PDZRN4: variants seen among roughly 807,000 people sequenced by gnomAD.
PDZRN4 encodes PDZ domain-containing RING finger protein 4.
A neutral mutation model predicts 99.0 loss-of-function variants in PDZRN4; 70 were observed. That is an observed-to-expected ratio of 0.71 (90% CI 0.58 to 0.86). PDZRN4 has a LOEUF of 0.86. Ranked by LOEUF, PDZRN4 falls within the 40% of genes least tolerant of loss-of-function variation. The probability of loss-of-function intolerance (pLI) is 0.00; values close to 1 mark genes in which losing one functional copy is unlikely to be tolerated. For missense variants in PDZRN4, 1,474 were observed against 1,331.2 expected (o/e 1.11, Z -1.67); for synonymous variants, 551 against 501.6 (o/e 1.10, Z -1.32).
intron 3 of PDZRN4, among the ~76,000 whole-genome samples, chr12:41,216,390 G>A (rs1950920957): frequency 1.3e-5 from 2 of 151,848 alleles, no homozygotes; most frequent in Admixed American, 1.3e-4. Context: ...TAAGTTTTAG[G>A]GAATCAAGGA....
intron 3 of PDZRN4, among the ~76,000 whole-genome samples, chr12:41,444,139 G>A (rs756748981): frequency 2.0e-5 from 3 of 152,148 alleles, no homozygotes; most frequent in Non-Finnish European, 2.9e-5. Flanking sequence ...GAGTATCTTT[G>A]GATTTGAAAA....
chr12:41,524,565 G>A (rs1013065805), intron 5 of PDZRN4, among the ~76,000 whole-genome samples: 7 of 152,032 alleles, frequency 4.6e-5, no homozygotes, highest in African/African-American at 1.4e-4. Context: ...AATGTACTAC[G>A]CAAAGAAAAA....
chr12:41,230,249 G>A (rs1951019253), intron 3 of PDZRN4, among the ~76,000 whole-genome samples: 2 of 151,874 alleles, frequency 1.3e-5, no homozygotes, highest in African/African-American at 2.4e-5. Flanking sequence ...GTGAAAGTAG[G>A]GAGGTTTTTG....
intron 3 of PDZRN4, among the ~76,000 whole-genome samples, chr12:41,406,265 ATGTTATATTTAGTGAGAAGAAAAGAAAAT>A (rs1952348742): frequency 6.6e-6 from 1 of 152,194 alleles, no homozygotes; most frequent in Non-Finnish European, 1.5e-5. Flanking sequence ...ACTAAGAGCA[ATGTTATATTTAGTGAGAAGAAAAGAAAAT>A]GAGGAAATGA....
At chr12:41,200,950 A>G (rs1032344911) in intron 3 of PDZRN4, among the ~76,000 whole-genome samples, 1 of 151,984 alleles carries the variant, frequency 6.6e-6, no homozygotes, top group Non-Finnish European at 1.5e-5. Context: ...TATCATTTTC[A>G]CCTGGGCCTG....
At chr12:41,256,295 T>G (rs1356855057) in intron 3 of PDZRN4, among the ~76,000 whole-genome samples, 2 of 152,136 alleles carry the variant, frequency 1.3e-5, no homozygotes, top group African/African-American at 4.8e-5. Context: ...TCCAACTATC[T>G]CAGAGTCAAA....
chr12:41,506,433 A>G, intron 3 of PDZRN4, 23 bp from the exon 4 acceptor site: 1 of 1,583,280 alleles, frequency 6.3e-7, no homozygotes, highest in Non-Finnish European at 8.6e-7. Flanking sequence ...TCTGAGATGA[A>G]CAATGTCCTT....
At chr12:41,350,958 G>A (rs1951885791) in intron 3 of PDZRN4, among the ~76,000 whole-genome samples, 1 of 151,998 alleles carries the variant, frequency 6.6e-6, no homozygotes, top group Non-Finnish European at 1.5e-5. Flanking sequence ...TAATTTGATT[G>A]GAAAGTATTG....
intron 3 of PDZRN4, among the ~76,000 whole-genome samples, chr12:41,505,510 T>G (rs6582337): frequency 0.082 from 12,522 of 152,046 alleles, 1,231 homozygotes; most frequent in East Asian, 0.32. Context: ...CTCCCACAAG[T>G]TTGCTAGGGA....
intron 3 of PDZRN4, among the ~76,000 whole-genome samples, chr12:41,503,143 A>G (rs1938139659): frequency 1.3e-5 from 2 of 152,124 alleles, no homozygotes; most frequent in Admixed American, 1.3e-4. Flanking sequence ...TGTGTTTAGG[A>G]TCATCAATGC....
At chr12:41,286,336 C>CT (rs71081721) in intron 3 of PDZRN4, among the ~76,000 whole-genome samples, 11,683 of 105,822 alleles carry the variant, frequency 0.11, 314 homozygotes, top group Non-Finnish European at 0.12. Flanking sequence ...CCTTCTTCTT[C>CT]TTTTTTTTTT....
chr12:41,502,384 T>A (rs2120662644), intron 3 of PDZRN4, among the ~76,000 whole-genome samples: 1 of 152,272 alleles, frequency 6.6e-6, no homozygotes, highest in African/African-American at 2.4e-5. Flanking sequence ...ATAACAACCG[T>A]TTTGGAAAAA....
intron 2 of PDZRN4, 149 bp from the exon 3 acceptor site, chr12:41,193,932 G>A: frequency 1.7e-6 from 1 of 586,880 alleles, no homozygotes; most frequent in East Asian, 2.9e-5. Context: ...ACTAGTTGGT[G>A]TTAAGTAAGT....
At chr12:41,247,206 G>A (rs899098314) in intron 3 of PDZRN4, among the ~76,000 whole-genome samples, 1 of 152,112 alleles carries the variant, frequency 6.6e-6, no homozygotes, top group Admixed American at 6.5e-5. Flanking sequence ...ATGGAGGAAC[G>A]ATGTATCACA....
chr12:41,421,015 A>C (rs946681340), intron 3 of PDZRN4, among the ~76,000 whole-genome samples: 1 of 152,078 alleles, frequency 6.6e-6, no homozygotes, highest in African/African-American at 2.4e-5. Flanking sequence ...CAGTCTTGCA[A>C]ATGCACTCAC....
At chr12:41,205,576 C>A (rs1242977000) in intron 3 of PDZRN4, among the ~76,000 whole-genome samples, 1 of 151,814 alleles carries the variant, frequency 6.6e-6, no homozygotes, top group East Asian at 1.9e-4. Context: ...TCTTTCCCCT[C>A]CTTTAACCTC....
chr12:41,224,097 G>T (rs1463316736), intron 3 of PDZRN4, among the ~76,000 whole-genome samples: 3 of 152,226 alleles, frequency 2.0e-5, no homozygotes, highest in Non-Finnish European at 4.4e-5. Flanking sequence ...GCAAAGCTTT[G>T]CAATTGCCTA....
intron 3 of PDZRN4, among the ~76,000 whole-genome samples, chr12:41,277,814 A>G (rs12307881): frequency 0.17 from 25,713 of 152,254 alleles, 3,229 homozygotes; most frequent in African/African-American, 0.35. Context: ...GTAGATTAGC[A>G]GCTATAAATA....
At chr12:41,274,039 G>A (rs1485284573) in intron 3 of PDZRN4, among the ~76,000 whole-genome samples, 1 of 151,954 alleles carries the variant, frequency 6.6e-6, no homozygotes, top group African/African-American at 2.4e-5. Context: ...GTGGGACATG[G>A]CATTTAAGTT....
Sources: allele counts gnomAD v4.1 joint callset (sites outside exome capture counted in the v4.1 genomes callset), GRCh38; gene constraint gnomAD v4.1.1; transcripts MANE v1.5; gene names NCBI Gene and HGNC (gene_info 2026-07-23, HGNC 2026-07-21).